Variants in AIFM1 observed in about 807,000 individuals in gnomAD.
AIFM1 encodes the protein apoptosis inducing factor mitochondria associated 1, also known as apoptosis-inducing factor 1, mitochondrial.
A neutral mutation model predicts 51.7 loss-of-function variants in AIFM1; 3 were observed. That is an observed-to-expected ratio of 0.06 (90% CI 0.03 to 0.15). The LOEUF (loss-of-function observed/expected upper bound fraction) is 0.15, where lower values mean the gene tolerates loss of function less well. Ranked by LOEUF, AIFM1 falls within the 10% of genes least tolerant of loss-of-function variation. The pLI, the probability that AIFM1 is intolerant of heterozygous loss-of-function variation, is 1.00. For synonymous variants in AIFM1, 178 were observed against 179.4 expected, an observed-to-expected ratio of 0.99 and a Z score of 0.06; for missense variants, 330 against 476.8, an observed-to-expected ratio of 0.69 and a Z score of 2.87.
Position 130,165,764 on chromosome X carries a change from A to G in AIFM1, c.-108T>C, listed in dbSNP as rs1391108928. On this transcript the variant is annotated 5_prime_UTR_variant, in exon 1 of 16. It removes an upstream start codon present in the reference 5' UTR. Transcript: ENST00000287295. Reference sequence around the variant, plus strand: ...GCTCCCCCAGTCTCTTCACACGCACATTACGCAGACTCCTCCTCCCAGCTC... The same window carrying G: ...GCTCCCCCAGTCTCTTCACACGCACGTTACGCAGACTCCTCCTCCCAGCTC... The G allele has an allele frequency of 3.1e-6, 2 of 652,570 alleles. No homozygotes were observed. The highest frequency in any genetic ancestry group is 2.2e-5 in the African/African-American group (1 of 45,985). The allele number at this position is 652,570 out of a possible 1,213,427, so 53.8% of individuals were successfully genotyped here.
chrX:130,139,560 G>A (rs2030501050), intron 8 of AIFM1, among the ~76,000 whole-genome samples: 1 of 111,129 alleles, frequency 9.0e-6, no homozygotes, highest in Non-Finnish European at 1.9e-5. Flanking sequence ...CAATCAGAAG[G>A]ATCTATTGCA....
At position 130,129,510 on chromosome X, in the gene AIFM1, C is replaced by A. The variant is rs754435041; in HGVS notation, c.*47G>T. 3 of 1,114,387 alleles carry A rather than the reference C, an allele frequency of 2.7e-6. No individual in the cohort carries two copies. In the African/African-American group the frequency reaches 5.4e-5, roughly 20 times the overall value. The allele number at this position is 1,114,387 out of a possible 1,213,427, so 91.8% of individuals were successfully genotyped here. ...AAAAAATGCTCCTTTACCCATTCGA[C>A]CTCCTCTCAGGGGCTGCAGTGGGTT... On this transcript the variant is annotated 3_prime_UTR_variant, in exon 16 of 16. Transcript: ENST00000287295.
intron 1 of AIFM1, among the ~76,000 whole-genome samples, chrX:130,157,418 C>T (rs1239201992): frequency 8.9e-6 from 1 of 111,986 alleles, no homozygotes; most frequent in Non-Finnish European, 1.9e-5. Context: ...TCTGTGATTA[C>T]TCCTCGTGTT....
At chrX:130,149,162 C>G (rs1014988098) in intron 3 of AIFM1, among the ~76,000 whole-genome samples, 11 of 110,981 alleles carry the variant, frequency 9.9e-5, no homozygotes, top group African/African-American at 3.3e-4. Context: ...CCTCAGCTGA[C>G]CCGCACATCT....
chrX:130,152,177 G>C (rs2031009540), intron 2 of AIFM1, among the ~76,000 whole-genome samples: 1 of 111,720 alleles, frequency 9.0e-6, no homozygotes, highest in African/African-American at 3.2e-5. Context: ...GCTTACTCTG[G>C]TCAACATGAA....
At position 130,133,132 on chromosome X, in the gene AIFM1, C is replaced by G. The variant is rs745942692; in HGVS notation, c.1448+181G>C. 5.4e-5 allele frequency among the ~76,000 whole-genome samples: 6 copies of G among 111,734 alleles called. No individual in the cohort carries two copies. The South Asian group carries it at 2.3e-3, about 42-fold the overall frequency. ...ACAAAAGGATCAGTTTGGTGAAAAA[C>G]TAAACAGGACACTTCTGCCAGATGG... On this transcript the variant is annotated intron_variant, in intron 13 of 15. Transcript: ENST00000287295.
chrX:130,136,708 C>T lies in AIFM1; in HGVS notation c.1099G>A (p.Ala367Thr). The change falls in exon 11 of 16, where the codon GCT becomes ACT. Residue 367 changes from alanine to threonine, a missense_variant. Coordinates refer to ENST00000287295, the MANE Select transcript of AIFM1 (RefSeq NM_004208.4). ...RREGVKVMPN[A>T]IVQSVGVSSG... Reference sequence around the variant, plus strand: ...CTGACTCCAACGGATTGCACAATAGCATTGGGCATCACCTTAACCCCCTCT... The same window carrying T: ...CTGACTCCAACGGATTGCACAATAGTATTGGGCATCACCTTAACCCCCTCT... The T allele has an allele frequency of 8.3e-7, 1 of 1,209,704 alleles. No homozygotes were observed.
intron 5 of AIFM1, among the ~76,000 whole-genome samples, 193 bp downstream of exon 5, chrX:130,147,300 C>T: frequency 1.8e-5 from 2 of 112,529 alleles, no homozygotes; most frequent in Non-Finnish European, 3.8e-5. Context: ...GTTGGTAGAT[C>T]TGGTAACAGA....
chrX:130,146,745 A>G (rs210002), intron 5 of AIFM1, among the ~76,000 whole-genome samples: 53,084 of 110,007 alleles, frequency 0.48, 9,925 homozygotes, highest in African/African-American at 0.67. Flanking sequence ...ATTCTAACAC[A>G]GGCTCTTCCT....
intron 15 of AIFM1, 26 bp downstream of exon 15, chrX:130,129,944 C>T: frequency 8.3e-7 from 1 of 1,208,144 alleles, no homozygotes; most frequent in African/African-American, 1.7e-5. Context: ...TCCCATCTTC[C>T]TCTAAGAGTT....
At position 130,136,848 on chromosome X, in the gene AIFM1, T is replaced by G. The variant is rs1017625813; in HGVS notation, c.1076-117A>C. On this transcript the variant is annotated intron_variant, in intron 10 of 15. Coordinates refer to ENST00000287295, the MANE Select transcript of AIFM1 (RefSeq NM_004208.4). ...AAACCAATTATCAGTACACAGGCAGTTTTGGAGAGCTGCAAGAACCTACAC... is the reference window on the plus strand; with the variant it reads ...AAACCAATTATCAGTACACAGGCAGGTTTGGAGAGCTGCAAGAACCTACAC... 6.4e-5 allele frequency: 65 copies of G among 1,011,746 alleles called. No homozygotes were observed. In the African/African-American group the frequency reaches 1.0e-3, roughly 16 times the overall value. 83.4% of individuals were successfully genotyped at this position (1,011,746 alleles called of 1,213,427 possible).
Position 130,131,760 on chromosome X carries a change from A to G in AIFM1, c.1488T>C (p.Gly496=). Residue 496 remains glycine (G), a synonymous_variant, in exon 14 of 16, where the codon GGT becomes GGC. Transcript: ENST00000287295. ...CTGTGGGCAAACTACTGTCCACAAG[A>G]CCAATAGCTTCATAGCCAACATCGG... ...LGPDVGYEAI[G]LVDSSLPTVG... 8.3e-7 allele frequency: 1 copy of G among 1,211,908 alleles called. No individual in the cohort carries two copies. The highest frequency in any genetic ancestry group is 1.1e-6 in the Non-Finnish European group (1 of 895,304).
At chrX:130,137,373 T>C (rs2030390557) in intron 9 of AIFM1, 188 bp from the exon 10 acceptor site, 1 of 1,154,470 alleles carries the variant, frequency 8.7e-7, no homozygotes, top group African/African-American at 1.8e-5. Flanking sequence ...GTAACGCAAA[T>C]ACAACAGGTA....
At chrX:130,164,514 T>A (rs145904504) in intron 1 of AIFM1, among the ~76,000 whole-genome samples, 1 of 112,374 alleles carries the variant, frequency 8.9e-6, no homozygotes, top group African/African-American at 3.2e-5. Context: ...ACATTGCAAA[T>A]GCCCTAGGGG....
chrX:130,132,893 T>C (rs1160269329), intron 13 of AIFM1, among the ~76,000 whole-genome samples: 1 of 110,506 alleles, frequency 9.0e-6, no homozygotes, highest in Admixed American at 9.6e-5. Context: ...ATTACAGGCA[T>C]GCACCACCAC....
At position 130,149,212 on chromosome X, in the gene AIFM1, G is replaced by A. The variant is rs186759451; in HGVS notation, c.349+257C>T. ...GCTGGGATGACAGGCGTGAGCCACC[G>A]TGCCCAGCCAAGAGACTAATATTAA... is the stretch of plus-strand genomic sequence containing the variant. On this transcript the variant is annotated intron_variant, in intron 3 of 15. Transcript: ENST00000287295. Among the ~76,000 whole-genome samples, 526 of 111,466 alleles carry A rather than the reference G, an allele frequency of 4.7e-3. 1 individual carries two copies. Among genetic ancestry groups the A allele is most frequent in the African/African-American group, 0.015 (467 of 30,682 alleles).
At chrX:130,143,631 A>G in intron 6 of AIFM1, among the ~76,000 whole-genome samples, 1 of 109,471 alleles carries the variant, frequency 9.1e-6, no homozygotes, top group East Asian at 2.9e-4. Flanking sequence ...TGGGTGGATC[A>G]CCTGAGGTCA....
intron 9 of AIFM1, among the ~76,000 whole-genome samples, chrX:130,138,383 T>C (rs1198210584): frequency 9.0e-6 from 1 of 111,210 alleles, no homozygotes; most frequent in East Asian, 2.8e-4. Flanking sequence ...GAGAATGGCC[T>C]GAACCCGGGA....
chrX:130,136,867 C>CT, intron 10 of AIFM1, 136 bp from the exon 11 acceptor site: 1 of 1,008,142 alleles, frequency 9.9e-7, no homozygotes. Context: ...GCTGCAAGAA[C>CT]CTACACCCAT....
Sources: gnomAD v4.1 joint callset for allele counts (sites outside exome capture counted in the v4.1 genomes callset) on GRCh38, gnomAD v4.1.1 for gene constraint, MANE v1.5 for transcripts, NCBI Gene and HGNC (gene_info 2026-07-23, HGNC 2026-07-21) for gene names.